ANKMY2: variants seen among roughly 807,000 people sequenced by gnomAD.
The protein encoded by ANKMY2 is ankyrin repeat and MYND domain containing 2.
A neutral mutation model predicts 50.4 loss-of-function variants in ANKMY2; 36 were observed. The ratio of observed to expected loss-of-function variants is 0.71; its 90% CI spans 0.55 to 0.94. ANKMY2 has a LOEUF of 0.94. Among genes scored for constraint, ANKMY2 ranks in the 40% least tolerant of loss-of-function variants. The pLI is 0.00. For missense variants in ANKMY2, 565 were observed against 524.0 expected, an observed-to-expected ratio of 1.08 and a Z score of -0.76; for synonymous variants, 187 against 178.8, an observed-to-expected ratio of 1.05 and a Z score of -0.36.
Position 16,616,008 on chromosome 7 carries a change from A to G in ANKMY2, c.371-104T>C, listed in dbSNP as rs920741179. On this transcript the variant is annotated intron_variant, in intron 4 of 9. Transcript: ENST00000306999. ...TATTTTTGTGATGTAAACATGCACC[A>G]ATATCTTTATTTTTCAGGAAAGGAG... is the stretch of plus-strand genomic sequence containing the variant. 6.6e-6 allele frequency: 7 copies of G among 1,064,478 alleles called. 1 individual carries two copies. In the South Asian group the frequency reaches 1.0e-4, roughly 16 times the overall value. 65.9% of individuals were successfully genotyped at this position (1,064,478 alleles called of 1,614,324 possible). A position where few individuals can be genotyped will look rare whatever the true frequency, so the allele number is the denominator to read the frequency against.
chr7:16,645,730 G>T lies in ANKMY2; in HGVS notation c.-157C>A, dbSNP rs771032525. ...GCTTCGCTTCTCTCCTCCCTCCCGC[G>T]GGCTGGCGGACAGCGGGCGAGCTCG... On this transcript the variant is annotated 5_prime_UTR_variant, in exon 1 of 10. Transcript: ENST00000306999. The T allele has an allele frequency of 4.9e-6, 4 of 819,780 alleles. No individual in the cohort carries two copies. The African/African-American group carries it at 5.4e-5, about 11-fold the overall frequency. 50.8% of individuals were successfully genotyped at this position (819,780 alleles called of 1,614,324 possible). A position where few individuals can be genotyped will look rare whatever the true frequency, so the allele number is the denominator to read the frequency against.
chr7:16,636,302 C>CAAAAAA lies in ANKMY2; in HGVS notation c.132+83_132+88dup, dbSNP rs376207917. ...TGGGCGAAAGAGCAACACTCCATCT[C>CAAAAAA]AAAAAAAAAAAAAAAAAAAAAAAAA... On this transcript the variant is annotated intron_variant, in intron 2 of 9. Transcript: ENST00000306999. 31 of 214,438 alleles carry CAAAAAA rather than the reference C, an allele frequency of 1.4e-4. 1 individual carries two copies. Among genetic ancestry groups the CAAAAAA allele is most frequent in the South Asian group, 5.3e-4 (12 of 22,720 alleles). 13.3% of individuals were successfully genotyped at this position (214,438 alleles called of 1,614,324 possible).
intron 4 of ANKMY2, among the ~76,000 whole-genome samples, chr7:16,621,901 G>A (rs1376220105): frequency 6.6e-6 from 1 of 151,946 alleles, no homozygotes; most frequent in Non-Finnish European, 1.5e-5. Context: ...CCCAGGAGGT[G>A]GAGGTTGCAG....
intron 4 of ANKMY2, among the ~76,000 whole-genome samples, chr7:16,618,931 A>C (rs566472654): frequency 2.6e-5 from 4 of 152,314 alleles, no homozygotes; most frequent in Admixed American, 6.5e-5. Context: ...CACACACACA[A>C]AAGTTCCAAA....
intron 8 of ANKMY2, chr7:16,603,806 C>A: frequency 6.9e-6 from 3 of 436,372 alleles, no homozygotes; most frequent in South Asian, 3.3e-5. Flanking sequence ...ATTGCCATGA[C>A]AACATGCTCA....
chr7:16,622,213 T>A (rs1781445834), intron 4 of ANKMY2, among the ~76,000 whole-genome samples: 1 of 151,314 alleles, frequency 6.6e-6, no homozygotes, highest in African/African-American at 2.4e-5. Context: ...ACAAAGGGCA[T>A]CCCCCCACAA....
Position 16,600,945 on chromosome 7 carries a change from T to C in ANKMY2, c.1142A>G (p.His381Arg). The change falls in exon 10 of 10, where the codon CAC becomes CGC. Residue 381 changes from histidine (H) to arginine (R), a missense_variant and splice_region_variant. His to Arg is a conservative substitution (Grantham distance 29). Coordinates refer to ENST00000306999, the MANE Select transcript of ANKMY2 (RefSeq NM_020319.3). ...AAKEKRQEENHGKLDVNSNCV... is the reference protein window; with the variant it reads ...AAKEKRQEENRGKLDVNSNCV... The stretch of plus-strand genomic sequence containing the variant: ...GTTAGAATTGACATCAAGTTTGCCG[T>C]CTGATTAAAAAAAGAAGAAGTTATT... The C allele has an allele frequency of 1.3e-6, 2 of 1,577,938 alleles. No homozygotes were observed. The highest frequency in any genetic ancestry group is 1.7e-6 in the Non-Finnish European group (2 of 1,161,634).
At chr7:16,607,795 T>G (rs1179635074) in intron 7 of ANKMY2, among the ~76,000 whole-genome samples, 1 of 151,734 alleles carries the variant, frequency 6.6e-6, no homozygotes, top group Non-Finnish European at 1.5e-5. Context: ...CAGGTACTGC[T>G]AGTTGCTTCT....
chr7:16,606,884 G>A (rs1243549902), intron 7 of ANKMY2, among the ~76,000 whole-genome samples: 1 of 152,182 alleles, frequency 6.6e-6, no homozygotes, highest in Non-Finnish European at 1.5e-5. Flanking sequence ...CTTTTGTGCT[G>A]AGCCTTGAGA....
At chr7:16,613,305 T>C (rs1350570389) in intron 5 of ANKMY2, among the ~76,000 whole-genome samples, 1 of 152,212 alleles carries the variant, frequency 6.6e-6, no homozygotes, top group Non-Finnish European at 1.5e-5. Context: ...GAGGTTGTTT[T>C]AAAAGCTGTT....
chr7:16,618,888 T>C (rs945796963), intron 4 of ANKMY2, among the ~76,000 whole-genome samples: 5 of 143,894 alleles, frequency 3.5e-5, no homozygotes, highest in Non-Finnish European at 6.3e-5. Context: ...AAAATCTACA[T>C]CCAGCTTCAA....
rs1451183489 is a variant in ANKMY2, at chr7:16,600,128, A to T, written c.*633T>A. On this transcript the variant is annotated 3_prime_UTR_variant, in exon 10 of 10. Coordinates refer to ENST00000306999, the MANE Select transcript of ANKMY2 (RefSeq NM_020319.3). ...AATATGCCTTTGTTCCTGCTGAGGG[A>T]TCTGCCATTCTGGAGGTACAAATAC... 6.6e-6 allele frequency: 1 copy of T among 152,156 alleles called. No homozygotes were observed. Among genetic ancestry groups the T allele is most frequent in the Non-Finnish European group, 1.5e-5 (1 of 68,030 alleles). The allele number at this position is 152,156 out of a possible 1,614,324, so 9.4% of individuals were successfully genotyped here. A position where few individuals can be genotyped will look rare whatever the true frequency, so the allele number is the denominator to read the frequency against.
intron 4 of ANKMY2, among the ~76,000 whole-genome samples, chr7:16,622,275 T>C (rs1781446522): frequency 6.6e-6 from 1 of 152,060 alleles, no homozygotes; most frequent in African/African-American, 2.4e-5. Flanking sequence ...AAAATACAAA[T>C]TACCAACAAC....
intron 5 of ANKMY2, among the ~76,000 whole-genome samples, chr7:16,613,059 T>G (rs1006617616): frequency 6.6e-6 from 1 of 152,182 alleles, no homozygotes; most frequent in Non-Finnish European, 1.5e-5. Flanking sequence ...GACATGATTG[T>G]TCTGTGCACA....
At chr7:16,608,055 A>G (rs373702110) in intron 7 of ANKMY2, among the ~76,000 whole-genome samples, 15 of 152,198 alleles carry the variant, frequency 9.9e-5, no homozygotes, top group African/African-American at 3.6e-4. Context: ...CCATGAGATC[A>G]TAAGTATGCA....
intron 7 of ANKMY2, among the ~76,000 whole-genome samples, chr7:16,607,329 GC>G (rs1476502172): frequency 1.3e-5 from 2 of 152,158 alleles, no homozygotes; most frequent in African/African-American, 4.8e-5. Context: ...ACTTTGGGAG[GC>G]CAAGGCGGGC....
intron 4 of ANKMY2, among the ~76,000 whole-genome samples, chr7:16,616,997 G>C (rs1234569743): frequency 1.3e-5 from 2 of 152,170 alleles, no homozygotes; most frequent in Non-Finnish European, 2.9e-5. Flanking sequence ...CTTCATCCTT[G>C]TGCCTCAGCT....
chr7:16,623,457 C>T (rs1188596238), intron 4 of ANKMY2, among the ~76,000 whole-genome samples: 3 of 152,110 alleles, frequency 2.0e-5, no homozygotes, highest in Admixed American at 6.5e-5. Flanking sequence ...GACCTGTGAT[C>T]TTGGGAAATT....
At chr7:16,641,596 A>G (rs1348387105) in intron 1 of ANKMY2, among the ~76,000 whole-genome samples, 2 of 152,208 alleles carry the variant, frequency 1.3e-5, no homozygotes, top group Non-Finnish European at 2.9e-5. Context: ...TTAACGACAC[A>G]GGACCTTAGA....
Sources: gnomAD v4.1 joint callset for allele counts (sites outside exome capture counted in the v4.1 genomes callset) on GRCh38, gnomAD v4.1.1 for gene constraint, MANE v1.5 for transcripts, NCBI Gene and HGNC (gene_info 2026-07-23, HGNC 2026-07-21) for gene names.